The following ROBO2 variants were observed in gnomAD, a reference collection of about 807,000 sequenced individuals.
The protein encoded by ROBO2 is roundabout homolog 2.
A neutral mutation model predicts 160.8 loss-of-function variants in ROBO2; 53 were observed. The ratio of observed to expected loss-of-function variants is 0.33; its 90% CI spans 0.26 to 0.41. The LOEUF is 0.41. Among genes scored for constraint, ROBO2 ranks in the 10% least tolerant of loss-of-function variants. ROBO2 has a pLI of 1.00. For missense variants in ROBO2, 1,577 were observed against 1,722.4 expected, an observed-to-expected ratio of 0.92 and a Z score of 1.49; for synonymous variants, 664 against 611.7, an observed-to-expected ratio of 1.09 and a Z score of -1.26.
At chr3:77,526,409 G>C (rs1308937647) in intron 6 of ROBO2, among the ~76,000 whole-genome samples, 1 of 151,430 alleles carries the variant, frequency 6.6e-6, no homozygotes, top group Non-Finnish European at 1.5e-5. Context: ...TATCTACTAA[G>C]GTATGGGCGA....
At chr3:76,735,579 C>T (rs267145) in intron 2 of ROBO2, among the ~76,000 whole-genome samples, 128,984 of 151,628 alleles carry the variant, frequency 0.85, 55,031 homozygotes, top group African/African-American at 0.9. Context: ...CTGGGCAATA[C>T]GGTGAAACCC....
At chr3:76,938,601 T>C (rs1224779832) in intron 2 of ROBO2, among the ~76,000 whole-genome samples, 1 of 152,110 alleles carries the variant, frequency 6.6e-6, no homozygotes, top group Non-Finnish European at 1.5e-5. Flanking sequence ...CACAGGTGGC[T>C]AGCCAGCTGC....
intron 2 of ROBO2, among the ~76,000 whole-genome samples, chr3:77,318,116 C>T (rs1318669611): frequency 6.6e-6 from 1 of 151,920 alleles, no homozygotes; most frequent in Non-Finnish European, 1.5e-5. Context: ...GGCATAGTCT[C>T]GGCTCACTGC....
intron 2 of ROBO2, among the ~76,000 whole-genome samples, chr3:76,669,315 A>G (rs552151994): frequency 6.6e-6 from 1 of 152,294 alleles, no homozygotes; most frequent in East Asian, 1.9e-4. Flanking sequence ...AAATATTTTT[A>G]TGGGGAAAAG....
intron 2 of ROBO2, among the ~76,000 whole-genome samples, chr3:76,109,710 T>C (rs570049996): frequency 6.6e-6 from 1 of 152,228 alleles, no homozygotes; most frequent in South Asian, 2.1e-4. Context: ...TACACAGTTT[T>C]GTCACATGGC....
chr3:76,619,339 C>A (rs1281221976), intron 2 of ROBO2, among the ~76,000 whole-genome samples: 78 of 137,386 alleles, frequency 5.7e-4, no homozygotes, highest in South Asian at 7.1e-4. Flanking sequence ...GACTCCGTCT[C>A]AAAAAAAAAA....
chr3:76,141,177 A>G (rs184229026), intron 2 of ROBO2, among the ~76,000 whole-genome samples: 67 of 103,164 alleles, frequency 6.5e-4, no homozygotes, highest in African/African-American at 1.5e-3. Context: ...ATATATATAT[A>G]TATATATATA....
intron 2 of ROBO2, among the ~76,000 whole-genome samples, chr3:76,728,586 A>C (rs1290111038): frequency 6.6e-6 from 1 of 152,172 alleles, no homozygotes; most frequent in African/African-American, 2.4e-5. Flanking sequence ...TTCACTGAGA[A>C]CCATGATGCT....
intron 6 of ROBO2, among the ~76,000 whole-genome samples, chr3:77,545,936 T>A (rs966458054): frequency 6.6e-6 from 1 of 152,108 alleles, no homozygotes; most frequent in Non-Finnish European, 1.5e-5. Flanking sequence ...TGCCAATGCT[T>A]ATAAATAAAT....
intron 2 of ROBO2, among the ~76,000 whole-genome samples, chr3:76,393,296 A>G (rs2077248286): frequency 6.6e-6 from 1 of 152,158 alleles, no homozygotes; most frequent in South Asian, 2.1e-4. Context: ...CCCTCATTGA[A>G]CTATGGAAGT....
intron 2 of ROBO2, among the ~76,000 whole-genome samples, chr3:76,581,276 C>T (rs1271224748): frequency 6.6e-6 from 1 of 151,816 alleles, no homozygotes; most frequent in Non-Finnish European, 1.5e-5. Context: ...ATTGTCTTAC[C>T]CAGGATACTT....
At chr3:77,515,807 CT>C (rs2089956990) in intron 5 of ROBO2, among the ~76,000 whole-genome samples, 1 of 151,546 alleles carries the variant, frequency 6.6e-6, no homozygotes, top group African/African-American at 2.4e-5. Flanking sequence ...CGGTCTAAAC[CT>C]TTGCTACCGA....
intron 5 of ROBO2, among the ~76,000 whole-genome samples, chr3:77,512,833 A>G (rs1004378805): frequency 6.6e-6 from 1 of 151,962 alleles, no homozygotes; most frequent in African/African-American, 2.4e-5. Flanking sequence ...GGAAAGAAAC[A>G]TTTACTCATA....
rs76972050 is a variant in ROBO2 at position 76,062,662 on chromosome 3, A to G, written c.109+125060A>G. ...GCTTTCATCTCAGAGAAGAATTCAT[A>G]AGGTGAAATTTTCCCAGACACAGGC... is the stretch of plus-strand genomic sequence containing the variant. On this transcript the variant is annotated intron_variant, in intron 2 of 26. Coordinates refer to the ROBO2 transcript ENST00000487694. Among the ~76,000 whole-genome samples the G allele has an allele frequency of 6.9e-3, 1,058 of 152,284 alleles. 61 individuals are homozygous for G. In the East Asian group the frequency reaches 0.15, roughly 22 times the overall value.
chr3:75,937,841 TTATA>T (rs1158457510), intron 2 of ROBO2, among the ~76,000 whole-genome samples: 25,278 of 105,354 alleles, frequency 0.24, 3,205 homozygotes, highest in South Asian at 0.41. Flanking sequence ...GGAATTGATT[TTATA>T]TATATATATA....
intron 2 of ROBO2, among the ~76,000 whole-genome samples, chr3:76,098,552 A>C (rs2069547844): frequency 9.8e-6 from 1 of 102,446 alleles, no homozygotes; most frequent in Admixed American, 9.7e-5. Flanking sequence ...TTCTGATAAA[A>C]GATAAATCAA....
chr3:76,691,615 G>C (rs1340377771), intron 2 of ROBO2, among the ~76,000 whole-genome samples: 1 of 152,242 alleles, frequency 6.6e-6, no homozygotes, highest in East Asian at 1.9e-4. Context: ...ATTCAGATGT[G>C]AAGTGGTTCT....
At chr3:76,272,163 A>C (rs147425179) in intron 2 of ROBO2, among the ~76,000 whole-genome samples, 45 of 152,266 alleles carry the variant, frequency 3.0e-4, no homozygotes, top group African/African-American at 1.0e-3. Flanking sequence ...GTGATTTTCA[A>C]ATTAAATGTT....
intron 2 of ROBO2, among the ~76,000 whole-genome samples, chr3:76,400,826 A>G (rs1362119606): frequency 6.6e-6 from 1 of 151,528 alleles, no homozygotes; most frequent in East Asian, 1.9e-4. Flanking sequence ...TAGACCATTC[A>G]GTGTTCTCTC....
Sources: allele counts gnomAD v4.1 joint callset (sites outside exome capture counted in the v4.1 genomes callset), GRCh38; gene constraint gnomAD v4.1.1; transcripts MANE v1.5; gene names NCBI Gene and HGNC (gene_info 2026-07-23, HGNC 2026-07-21).